The following NEMP2 variants were observed in gnomAD, a reference collection of about 807,000 sequenced individuals.
NEMP2 encodes the protein nuclear envelope integral membrane protein 2.
Under a neutral mutation model 54.2 loss-of-function variants are expected in NEMP2, and 53 were observed. The ratio of observed to expected loss-of-function variants is 0.98; its 90% CI spans 0.78 to 1.23. The LOEUF (loss-of-function observed/expected upper bound fraction) is 1.23, where lower values mean the gene tolerates loss of function less well. Among genes scored for constraint, NEMP2 ranks in the 50% most tolerant of loss-of-function variants. The pLI is 0.00. For missense variants in NEMP2, 455 were observed against 511.3 expected (o/e 0.89, Z 1.06); for synonymous variants, 197 against 190.3 (o/e 1.04, Z -0.29).
intron 2 of NEMP2, among the ~76,000 whole-genome samples, chr2:190,524,151 A>C (rs558680219): frequency 6.6e-6 from 1 of 152,116 alleles, no homozygotes; most frequent in East Asian, 1.9e-4. Context: ...CGGGAGGTTG[A>C]GGCTGCAGTG....
upstream of NEMP2, among the ~76,000 whole-genome samples, chr2:190,536,853 C>A (rs1400466020): frequency 1.3e-5 from 2 of 152,198 alleles, no homozygotes; most frequent in Non-Finnish European, 2.9e-5. Flanking sequence ...AAATTCAGCA[C>A]AACTCCTGAC....
the NEMP2 span, among the ~76,000 whole-genome samples, chr2:190,464,591 G>A: frequency 6.6e-6 from 1 of 152,082 alleles, no homozygotes; most frequent in Admixed American, 6.5e-5. Context: ...ACCCTTGTTC[G>A]CTTTGTTTCC....
the NEMP2 span, among the ~76,000 whole-genome samples, chr2:190,494,577 G>A: frequency 6.6e-6 from 1 of 152,132 alleles, no homozygotes; most frequent in Non-Finnish European, 1.5e-5. The surrounding 1 kb of genome is among the most constrained non-coding windows in gnomAD (Gnocchi z 5.7). Flanking sequence ...TATCCCTGAT[G>A]AACATCAATG....
In NEMP2 at chr2:190,509,966, G is replaced by A. The variant is rs977565814; in HGVS notation, c.1130+395C>T. On this transcript the variant is annotated intron_variant, in intron 8 of 8. Coordinates refer to ENST00000409150, the MANE Select transcript of NEMP2 (RefSeq NM_001142645.2). This position sits in a 1 kb window ranked among gnomAD's most constrained non-coding sequence, Gnocchi z 6.1. ...TGAGGCAGGAGAATTGCTTGAACCT[G>A]GCAGGCGGAGGTTGCAATGAGCTGA... Among the ~76,000 whole-genome samples the A allele has an allele frequency of 2.0e-5, 3 of 152,214 alleles. No individual in the cohort carries two copies. Among genetic ancestry groups the A allele is most frequent in the Non-Finnish European group, 4.4e-5 (3 of 68,034 alleles).
chr2:190,468,242 T>A, the NEMP2 span, among the ~76,000 whole-genome samples: 1 of 152,190 alleles, frequency 6.6e-6, no homozygotes, highest in African/African-American at 2.4e-5. Context: ...TAGAACAAGA[T>A]GACCCAGACT....
At chr2:190,444,871 T>C in the NEMP2 span, 1 of 827,928 alleles carries the variant, frequency 1.2e-6, no homozygotes, top group Non-Finnish European at 1.5e-6. Flanking sequence ...AATTATTTTA[T>C]ACAAAATCAT....
the NEMP2 span, among the ~76,000 whole-genome samples, chr2:190,463,023 A>G: frequency 2.6e-5 from 4 of 152,170 alleles, no homozygotes; most frequent in Non-Finnish European, 5.9e-5. This position sits in a 1 kb window ranked among gnomAD's most constrained non-coding sequence, Gnocchi z 4.4. Context: ...CTGGAGTGGG[A>G]CACAGGATGC....
the NEMP2 span, among the ~76,000 whole-genome samples, chr2:190,422,256 C>T: frequency 3.3e-5 from 5 of 152,252 alleles, no homozygotes; most frequent in African/African-American, 1.2e-4. Flanking sequence ...ATTTTTCTGA[C>T]GGTCTCTCCT....
At chr2:190,622,286 T>C in the NEMP2 span, among the ~76,000 whole-genome samples, 1 of 151,808 alleles carries the variant, frequency 6.6e-6, no homozygotes, top group Non-Finnish European at 1.5e-5. Flanking sequence ...TGTGAGCTTA[T>C]AGTCTCAGCT....
chr2:190,624,857 A>AT, the NEMP2 span: 1 of 152,224 alleles, frequency 6.6e-6, no homozygotes, highest in Non-Finnish European at 1.5e-5. Context: ...ACATGAAAAG[A>AT]TTCTCAACCA....
chr2:190,493,726 A>G, the NEMP2 span, among the ~76,000 whole-genome samples: 6 of 152,208 alleles, frequency 3.9e-5, no homozygotes, highest in African/African-American at 1.2e-4. Context: ...GGAACCTTCA[A>G]AACCATGCAA....
the NEMP2 span, among the ~76,000 whole-genome samples, chr2:190,565,561 C>T: frequency 9.2e-5 from 14 of 152,234 alleles, no homozygotes; most frequent in Admixed American, 5.9e-4. Flanking sequence ...AAAGAGAATG[C>T]GAGCTGTGAT....
the NEMP2 span, among the ~76,000 whole-genome samples, chr2:190,451,658 G>A: frequency 2.0e-5 from 3 of 152,218 alleles, no homozygotes; most frequent in Non-Finnish European, 4.4e-5. The surrounding 1 kb of genome is among the most constrained non-coding windows in gnomAD (Gnocchi z 5.0). Flanking sequence ...CTTTCCCTGA[G>A]GAAGTGGCAT....
the NEMP2 span, among the ~76,000 whole-genome samples, chr2:190,434,802 T>C: frequency 1.3e-5 from 2 of 152,298 alleles, no homozygotes; most frequent in South Asian, 4.1e-4. The surrounding 1 kb of genome is among the most constrained non-coding windows in gnomAD (Gnocchi z 4.3). Flanking sequence ...TTAGTGTGTC[T>C]TAGAGCAGGG....
upstream of NEMP2, among the ~76,000 whole-genome samples, chr2:190,536,777 C>T (rs367797930): frequency 8.5e-5 from 13 of 152,292 alleles, 2 homozygotes; most frequent in African/African-American, 2.9e-4. Flanking sequence ...TAGTAACCCC[C>T]TGCTAGAGGA....
the NEMP2 span, among the ~76,000 whole-genome samples, chr2:190,612,961 T>C: frequency 6.6e-6 from 1 of 152,210 alleles, no homozygotes; most frequent in South Asian, 2.1e-4. Context: ...TGTTGTTTAA[T>C]TTAATATAAC....
intron 1 of NEMP2, among the ~76,000 whole-genome samples, chr2:190,526,108 G>A (rs942122388): frequency 6.6e-6 from 1 of 152,192 alleles, no homozygotes; most frequent in Admixed American, 6.5e-5. Flanking sequence ...ACCAACAAGA[G>A]CAGGAAGCTT....
the NEMP2 span, among the ~76,000 whole-genome samples, chr2:190,648,735 G>A: frequency 6.6e-6 from 1 of 151,046 alleles, no homozygotes; most frequent in African/African-American, 2.4e-5. Flanking sequence ...AGCGGGACTC[G>A]CGGGAGCCGC....
At chr2:190,605,990 GCA>G in the NEMP2 span, among the ~76,000 whole-genome samples, 1 of 152,114 alleles carries the variant, frequency 6.6e-6, no homozygotes. Flanking sequence ...ACTGTTTCTG[GCA>G]CACCATAGAT....
Sources: gnomAD v4.1 joint callset for allele counts (sites outside exome capture counted in the v4.1 genomes callset) on GRCh38, gnomAD v4.1.1 for gene constraint, Gnocchi (gnomAD v3.1) non-coding constraint, MANE v1.5 for transcripts, NCBI Gene and HGNC (gene_info 2026-07-23, HGNC 2026-07-21) for gene names.